INCENP: variants seen among roughly 807,000 people sequenced by gnomAD.
INCENP encodes the protein inner centromere protein.
A neutral mutation model predicts 107.3 loss-of-function variants in INCENP; 43 were observed. That is an observed-to-expected ratio of 0.40 (90% CI 0.31 to 0.52). INCENP has a LOEUF of 0.52. Ranked by LOEUF, INCENP falls within the 20% of genes least tolerant of loss-of-function variation. INCENP has a pLI of 0.53. For synonymous variants in INCENP, 488 were observed against 494.4 expected (o/e 0.99, Z 0.17); for missense variants, 1,089 against 1,250.9 (o/e 0.87, Z 1.95).
Position 62,130,110 on chromosome 11 carries a change from A to G in INCENP, c.583A>G (p.Thr195Ala), listed in dbSNP as rs1322428147. 1.2e-6 allele frequency: 2 copies of G among 1,613,194 alleles called. No homozygotes were observed. The highest frequency in any genetic ancestry group is 1.7e-6 in the Non-Finnish European group (2 of 1,179,924). ...QLMSTEPLPR[T>A]LSPTPASATA... ...CATGTCCACCGAGCCTCTGCCCCGC[A>G]CTCTGTCCCCGACTCCAGCTTCAGC... is the stretch of plus-strand genomic sequence containing the variant. The change falls in exon 4 of 19, where the codon ACT becomes GCT. Residue 195 changes from threonine to alanine, a missense_variant. By Grantham distance (58) the Thr-to-Ala change is moderately conservative. Coordinates refer to ENST00000394818, the MANE Select transcript of INCENP (RefSeq NM_001040694.2).
rs139018331 is a variant in INCENP at position 62,149,041 on chromosome 11, A to G, written c.2391+195A>G. 4.6e-5 allele frequency among the ~76,000 whole-genome samples: 7 copies of G among 152,342 alleles called. 1 individual carries two copies. The East Asian group carries it at 1.3e-3, about 29-fold the overall frequency. ...TTGTTGAGGTGGGGGATAAAAAGGA[A>G]CTAAACTTTATAGAAGAGTATACAG... On this transcript the variant is annotated intron_variant, in intron 17 of 18. Coordinates refer to ENST00000394818, the MANE Select transcript of INCENP (RefSeq NM_001040694.2).
At chr11:62,133,445 G>A (rs1489070449) in intron 4 of INCENP, among the ~76,000 whole-genome samples, 1 of 152,150 alleles carries the variant, frequency 6.6e-6, no homozygotes, top group Non-Finnish European at 1.5e-5. Context: ...TGCCTGCGGG[G>A]CCCATCGGGC....
chr11:62,140,402 G>A (rs952764503), intron 8 of INCENP, 117 bp downstream of exon 8: 8 of 915,170 alleles, frequency 8.7e-6, no homozygotes, highest in Admixed American at 2.0e-5. Context: ...TCTCTGCTGG[G>A]GTGTGGCCTG....
In INCENP at chr11:62,130,428, C is replaced by A. The variant is rs1943865438; in HGVS notation, c.901C>A (p.Gln301Lys). 6.2e-7 allele frequency: 1 copy of A among 1,613,828 alleles called. No individual in the cohort carries two copies. Among genetic ancestry groups the A allele is most frequent in the Non-Finnish European group, 8.5e-7 (1 of 1,180,052 alleles). Reference sequence around the variant, plus strand: ...GCCCACGGGCTCTCGCACGGACTCTCAATCGGTGCGGCACAGCCCGATCGC... The same window carrying A: ...GCCCACGGGCTCTCGCACGGACTCTAAATCGGTGCGGCACAGCCCGATCGC... ...STPTGSRTDS[Q>K]SVRHSPIAPS... The change falls in exon 4 of 19, where the codon CAA becomes AAA. Residue 301 changes from glutamine (Q) to lysine (K), a missense_variant. Transcript: ENST00000394818.
chr11:62,128,654 TG>T, intron 2 of INCENP, 115 bp from the exon 3 acceptor site: 1 of 761,702 alleles, frequency 1.3e-6, no homozygotes, highest in Non-Finnish European at 2.3e-6. Flanking sequence ...CACTTGGTGC[TG>T]GACACCCCAG....
At position 62,141,025 on chromosome 11, in the gene INCENP, C is replaced by A; in HGVS notation, c.1574C>A (p.Pro525His). 1 of 1,613,916 alleles carries A rather than the reference C, an allele frequency of 6.2e-7. No homozygotes were observed. Residue 525 changes from proline (P) to histidine (H), a missense_variant, in exon 10 of 19, where the codon CCC (proline) becomes CAC (histidine). Physicochemically the swap from Pro to His is moderately conservative, Grantham distance 77 (BLOSUM62 -2). Transcript: ENST00000394818. ...AAGTCCTTTATTAAGCGCAACACTC[C>A]CCTGCGCATGGACCCCAAGGTGAGG... ...VMKSFIKRNT[P>H]LRMDPKCSFV...
In INCENP at chr11:62,141,531, G is replaced by T; in HGVS notation, c.1605+20G>T. ...TTCGTCGTAAGTAAAGCCTTTTCCT[G>T]TCGGTAACCTCGCCCCACCTAGCAC... is the stretch of plus-strand genomic sequence containing the variant. On this transcript the variant is annotated intron_variant, in intron 11 of 18. Coordinates refer to ENST00000394818, the MANE Select transcript of INCENP (RefSeq NM_001040694.2). The T allele has an allele frequency of 6.2e-7, 1 of 1,614,010 alleles. No individual in the cohort carries two copies. Among genetic ancestry groups the T allele is most frequent in the Non-Finnish European group, 8.5e-7 (1 of 1,179,884 alleles).
intron 11 of INCENP, among the ~76,000 whole-genome samples, chr11:62,141,978 A>G (rs1018323388): frequency 4.6e-5 from 7 of 152,156 alleles, no homozygotes. Flanking sequence ...CTGAGGTGGA[A>G]GTGCTGGGTC....
rs1220057263 is a variant in INCENP at position 62,145,006 on chromosome 11, A to C, written c.1630A>C (p.Asn544His). 6.2e-7 allele frequency: 1 copy of C among 1,604,430 alleles called. No homozygotes were observed. Among genetic ancestry groups the C allele is most frequent in the Non-Finnish European group, 8.5e-7 (1 of 1,177,058 alleles). Reference protein sequence around the residue: ...FVEKERQRLENLRRKEEAEQL... With the variant: ...FVEKERQRLEHLRRKEEAEQL... ...GGAGAAGGAGCGGCAGCGCCTGGAG[A>C]ATCTGCGGCGGAAGGAGGAGGCCGA... The change falls in exon 12 of 19, where the codon AAT (asparagine) becomes CAT (histidine). Residue 544 changes from asparagine (N) to histidine (H), a missense_variant. By Grantham distance (68) the Asn-to-His change is moderately conservative. Coordinates refer to ENST00000394818, the MANE Select transcript of INCENP (RefSeq NM_001040694.2).
At position 62,148,521 on chromosome 11, in the gene INCENP, G is replaced by T; in HGVS notation, c.2250G>T (p.Gln750His). Residue 750 changes from glutamine (Q) to histidine (H), a missense_variant, in exon 16 of 19, where the codon CAG becomes CAT. Gln to His is a conservative substitution (Grantham distance 24). Transcript: ENST00000394818. ...REKALRLQKE[Q>H]LQRELEEKKK... ...AGGCCCTGCGGCTGCAGAAGGAGCA[G>T]CTGCAGAGGGAACTGGAGGAGAAGA... is the stretch of plus-strand genomic sequence containing the variant. The T allele has an allele frequency of 6.2e-7, 1 of 1,608,424 alleles. No homozygotes were observed. The highest frequency in any genetic ancestry group is 8.5e-7 in the Non-Finnish European group (1 of 1,178,254).
intron 15 of INCENP, 120 bp from the exon 16 acceptor site, chr11:62,148,356 G>A: frequency 1.1e-6 from 1 of 909,192 alleles, no homozygotes; most frequent in Non-Finnish European, 1.7e-6. Context: ...TGCCCATTCA[G>A]CAATCCCACT....
At chr11:62,138,659 G>A in intron 5 of INCENP, 54 bp from the exon 6 acceptor site, 1 of 1,563,984 alleles carries the variant, frequency 6.4e-7, no homozygotes, top group South Asian at 1.1e-5. Flanking sequence ...ACTCCCTAGG[G>A]GGAGGGCTTG....
At chr11:62,149,586 A>C (rs1792889) in intron 17 of INCENP, among the ~76,000 whole-genome samples, 3,049 of 152,244 alleles carry the variant, frequency 0.02, 105 homozygotes, top group African/African-American at 0.069. Flanking sequence ...CTTAGCATCA[A>C]AAAAGGAGAT....
intron 2 of INCENP, 143 bp downstream of exon 2, chr11:62,128,444 A>G: frequency 2.3e-6 from 2 of 880,474 alleles, no homozygotes; most frequent in East Asian, 5.2e-5. Flanking sequence ...CTGTGTGTGC[A>G]GTGTGCTGGG....
chr11:62,129,981 C>T lies in INCENP; in HGVS notation c.454C>T (p.Leu152=). The change falls in exon 4 of 19, where the codon CTG becomes TTG. Residue 152 remains leucine, a synonymous_variant. Coordinates refer to ENST00000394818, the MANE Select transcript of INCENP (RefSeq NM_001040694.2). ...ACCCACCCCTGAGTCTCCCACGATG[C>T]TGACTAAGAAGCCCGAGGATAACCA... The part of the protein sequence containing the change: ...SSPTPESPTM[L]TKKPEDNHTQ... 6.2e-7 allele frequency: 1 copy of T among 1,614,122 alleles called. No individual in the cohort carries two copies. The highest frequency in any genetic ancestry group is 8.5e-7 in the Non-Finnish European group (1 of 1,180,034).
chr11:62,135,302 C>CT (rs1375031810), intron 4 of INCENP, among the ~76,000 whole-genome samples: 2 of 152,098 alleles, frequency 1.3e-5, no homozygotes, highest in African/African-American at 4.8e-5. Context: ...AAATCTCACT[C>CT]TGTCGCCCAG....
At chr11:62,141,807 C>T (rs1286904298) in intron 11 of INCENP, 1 of 532,306 alleles carries the variant, frequency 1.9e-6, no homozygotes, top group Admixed American at 3.3e-5. Context: ...CACCTTCCCT[C>T]CCTCCTCCCC....
chr11:62,145,353 C>A, intron 13 of INCENP, 64 bp downstream of exon 13: 1 of 1,598,414 alleles, frequency 6.3e-7, no homozygotes, highest in Non-Finnish European at 8.5e-7. Context: ...AGGACTGGAC[C>A]CCTCAGGAAA....
intron 1 of INCENP, among the ~76,000 whole-genome samples, chr11:62,126,191 T>C (rs3758971): frequency 0.82 from 123,569 of 150,214 alleles, 52,249 homozygotes; most frequent in Non-Finnish European, 0.95. Context: ...GGAGGCTGAG[T>C]TGTGCATGGT....
Sources: gnomAD v4.1 joint callset for allele counts (sites outside exome capture counted in the v4.1 genomes callset) on GRCh38, gnomAD v4.1.1 for gene constraint, MANE v1.5 for transcripts, NCBI Gene and HGNC (gene_info 2026-07-23, HGNC 2026-07-21) for gene names.